Variants in FBXO30 observed in about 807,000 individuals in gnomAD.
The protein encoded by FBXO30 is F-box protein 30.
Under a neutral mutation model 58.1 loss-of-function variants are expected in FBXO30, and 21 were observed. The ratio of observed to expected loss-of-function variants is 0.36; its 90% CI spans 0.26 to 0.52. The LOEUF is 0.52. FBXO30 is among the 20% of genes least tolerant of loss of function. The pLI is 0.93. For synonymous variants in FBXO30, 309 were observed against 312.4 expected (o/e 0.99, Z 0.11); for missense variants, 744 against 897.3 (o/e 0.83, Z 2.18).
At chr6:145,807,221 A>G (rs1218383750) in intron 1 of FBXO30, among the ~76,000 whole-genome samples, 1 of 152,230 alleles carries the variant, frequency 6.6e-6, no homozygotes, top group East Asian at 1.9e-4. Flanking sequence ...TGTCAAAGAC[A>G]GTAAAAAGTG....
chr6:145,807,306 G>T (rs958593026), intron 1 of FBXO30, among the ~76,000 whole-genome samples: 3 of 152,196 alleles, frequency 2.0e-5, no homozygotes, highest in African/African-American at 7.2e-5. Context: ...AATATGAGTA[G>T]GGATTAGAGA....
At position 145,793,533 on chromosome 6, in the gene FBXO30, C is replaced by G. The variant is rs1335022870; in HGVS notation, c.*6573G>C. The G allele has an allele frequency of 1.3e-5, 2 of 151,980 alleles. No individual in the cohort carries two copies. Among genetic ancestry groups the G allele is most frequent in the South Asian group, 2.1e-4 (1 of 4,836 alleles). 9.4% of individuals were successfully genotyped at this position (151,980 alleles called of 1,614,324 possible). A position where few individuals can be genotyped will look rare whatever the true frequency, so the allele number is the denominator to read the frequency against. ...TCAGTACAATTTATTTAGTCTTACTCTAATACAACAAGTTGCATTTGTTCT... is the reference window on the plus strand; with the variant it reads ...TCAGTACAATTTATTTAGTCTTACTGTAATACAACAAGTTGCATTTGTTCT... On this transcript the variant is annotated 3_prime_UTR_variant, in exon 3 of 3. Transcript: ENST00000237281.
chr6:145,811,420 C>G (rs1313266782), intron 1 of FBXO30, among the ~76,000 whole-genome samples: 1 of 152,000 alleles, frequency 6.6e-6, no homozygotes, highest in African/African-American at 2.4e-5. Context: ...AATCATCTAT[C>G]AAAAAAAGCA....
At chr6:145,808,204 C>A in intron 1 of FBXO30, among the ~76,000 whole-genome samples, 1 of 149,548 alleles carries the variant, frequency 6.7e-6, no homozygotes, top group East Asian at 2.0e-4. Flanking sequence ...TTTTCTTATC[C>A]AGTCAAACTT....
At chr6:145,811,227 A>G (rs1280495444) in intron 1 of FBXO30, among the ~76,000 whole-genome samples, 2 of 152,250 alleles carry the variant, frequency 1.3e-5, no homozygotes, top group African/African-American at 4.8e-5. Flanking sequence ...AATGAAATGG[A>G]CAAATGAGAT....
chr6:145,796,364 T>G lies in FBXO30; in HGVS notation c.*3742A>C, dbSNP rs1280371873. ...AATCCTGTCAAACCCCATTATTAAATTATCTTAAACACCATCAAACAAGTC... is the reference window on the plus strand; with the variant it reads ...AATCCTGTCAAACCCCATTATTAAAGTATCTTAAACACCATCAAACAAGTC... On this transcript the variant is annotated 3_prime_UTR_variant, in exon 3 of 3. Coordinates refer to ENST00000237281, the MANE Select transcript of FBXO30 (RefSeq NM_032145.5). 2 of 151,968 alleles carry G rather than the reference T, an allele frequency of 1.3e-5. No homozygotes were observed. Among genetic ancestry groups the G allele is most frequent in the African/African-American group, 2.4e-5 (1 of 41,418 alleles). The allele number at this position is 151,968 out of a possible 1,614,324, so 9.4% of individuals were successfully genotyped here. A position where few individuals can be genotyped will look rare whatever the true frequency, so the allele number is the denominator to read the frequency against.
At position 145,800,061 on chromosome 6, in the gene FBXO30, A is replaced by AT. The variant is rs1777948123; in HGVS notation, c.*44dup. The AT allele has an allele frequency of 1.4e-6, 2 of 1,415,320 alleles. No individual in the cohort carries two copies. The highest frequency in any genetic ancestry group is 2.4e-5 in the South Asian group (2 of 83,244). 87.7% of individuals were successfully genotyped at this position (1,415,320 alleles called of 1,614,324 possible). On this transcript the variant is annotated 3_prime_UTR_variant, in exon 3 of 3. Coordinates refer to ENST00000237281, the MANE Select transcript of FBXO30 (RefSeq NM_032145.5). ...ATAAAGTTTCACATATTACAAAGAA[A>AT]TTATACTAGGTGCTTGCATATATGT...
Position 145,799,723 on chromosome 6 carries a change from A to G in FBXO30, c.*383T>C, listed in dbSNP as rs1446609133. 6.4e-6 allele frequency: 1 copy of G among 156,418 alleles called. No individual in the cohort carries two copies. The highest frequency in any genetic ancestry group is 2.4e-5 in the African/African-American group (1 of 41,504). 9.7% of individuals were successfully genotyped at this position (156,418 alleles called of 1,614,324 possible). Reference sequence around the variant, plus strand: ...AAAAACCTATGCTGTAAAAAATCTCAATCAAAATTTTGCTTTTTGATTGCA... The same window carrying G: ...AAAAACCTATGCTGTAAAAAATCTCGATCAAAATTTTGCTTTTTGATTGCA... On this transcript the variant is annotated 3_prime_UTR_variant, in exon 3 of 3. Transcript: ENST00000237281.
In FBXO30 at chr6:145,805,526, T is replaced by C; in HGVS notation, c.880A>G (p.Thr294Ala). The C allele has an allele frequency of 6.2e-7, 1 of 1,606,670 alleles. No homozygotes were observed. ...CNGFPLENIC[T>A]QVIDQNQNLH... ...TTCTGATTCTGGTCTATGACCTGGG[T>C]ACATATATTTTCCAAAGGAAAGCCA... The change falls in exon 2 of 3, where the codon ACC becomes GCC. Residue 294 changes from threonine (T) to alanine (A), a missense_variant. Physicochemically the swap from Thr to Ala is moderately conservative, Grantham distance 58. Coordinates refer to ENST00000237281, the MANE Select transcript of FBXO30 (RefSeq NM_032145.5).
intron 1 of FBXO30, 69 bp from the exon 2 acceptor site, chr6:145,806,490 A>T: frequency 8.7e-7 from 1 of 1,147,922 alleles, no homozygotes; most frequent in Non-Finnish European, 1.2e-6. Flanking sequence ...ATTGTTTAAT[A>T]ATTAAATCAC....
intron 2 of FBXO30, among the ~76,000 whole-genome samples, chr6:145,801,429 T>G (rs990053910): frequency 4.6e-5 from 7 of 151,716 alleles, no homozygotes; most frequent in African/African-American, 1.7e-4. Flanking sequence ...GTGTGTGTGT[T>G]TTTTAGCTCA....
rs1224456352 is a variant in FBXO30 at position 145,804,572 on chromosome 6, G to C, written c.1834C>G (p.His612Asp). The stretch of plus-strand genomic sequence containing the variant: ...ACCTCAAAAGGAAGACTACTTAGAT[G>C]GTCATTATGTAATCCCAACACACAG... ...RNCVLGLHND[H>D]LSSLPFEVLQ... Residue 612 changes from histidine to aspartate, a missense_variant, in exon 2 of 3, where the codon CAT becomes GAT. His to Asp is a moderately conservative substitution (Grantham distance 81). This residue lies in a region of FBXO30 where 334 missense variants were observed against 433.7 expected (regional missense o/e 0.77). Transcript: ENST00000237281. 6.2e-7 allele frequency: 1 copy of C among 1,613,654 alleles called. No individual in the cohort carries two copies. Among genetic ancestry groups the C allele is most frequent in the Non-Finnish European group, 8.5e-7 (1 of 1,179,820 alleles).
intron 2 of FBXO30, among the ~76,000 whole-genome samples, chr6:145,802,150 T>G (rs1778019367): frequency 1.3e-5 from 2 of 152,082 alleles, no homozygotes; most frequent in South Asian, 4.1e-4. Flanking sequence ...AACAGTTCAG[T>G]GAGTGCTTTA....
intron 1 of FBXO30, among the ~76,000 whole-genome samples, chr6:145,807,428 A>T (rs1778207221): frequency 6.6e-6 from 1 of 152,222 alleles, no homozygotes; most frequent in Admixed American, 6.5e-5. Context: ...GAAAAGCATG[A>T]ATTAGCAAAA....
chr6:145,805,486 G>A lies in FBXO30; in HGVS notation c.920C>T (p.Ser307Leu), dbSNP rs1778138685. Residue 307 changes from serine (S) to leucine (L), a missense_variant, in exon 2 of 3, where the codon TCA becomes TTA. Physicochemically the swap from Ser to Leu is moderately radical, Grantham distance 145. Around this residue, in one of 3 missense-constraint regions of FBXO30, gnomAD observed 275 missense variants for 262.0 expected, o/e 1.05. Transcript: ENST00000237281. The stretch of plus-strand genomic sequence containing the variant: ...TCCATTTGTTAAGTTACTTTGTTTT[G>A]AATCACCATGTAAATTCTGATTCTG... ...IDQNQNLHGD[S>L]KQSNLTNGDC... 1.2e-6 allele frequency: 2 copies of A among 1,606,386 alleles called. No homozygotes were observed. The highest frequency in any genetic ancestry group is 2.2e-5 in the East Asian group (1 of 44,790).
At chr6:145,803,426 T>C (rs77752976) in intron 2 of FBXO30, among the ~76,000 whole-genome samples, 2,189 of 152,216 alleles carry the variant, frequency 0.014, 24 homozygotes, top group South Asian at 0.027. Context: ...GAAAAATCAG[T>C]GCAATGAATG....
chr6:145,799,236 AAT>A lies in FBXO30; in HGVS notation c.*868_*869del, dbSNP rs1366420908. 2 of 152,514 alleles carry A rather than the reference AAT, an allele frequency of 1.3e-5. No individual in the cohort carries two copies. The highest frequency in any genetic ancestry group is 2.9e-5 in the Non-Finnish European group (2 of 67,968). 9.4% of individuals were successfully genotyped at this position (152,514 alleles called of 1,614,324 possible). The stretch of plus-strand genomic sequence containing the variant: ...TTATAAACATCAAAGGCAAACATTT[AAT>A]AGTCAAGCCCTTTGCATTCTGAATA... On this transcript the variant is annotated 3_prime_UTR_variant, in exon 3 of 3. Coordinates refer to ENST00000237281, the MANE Select transcript of FBXO30 (RefSeq NM_032145.5).
chr6:145,796,687 C>A lies in FBXO30; in HGVS notation c.*3419G>T, dbSNP rs1777872879. Reference sequence around the variant, plus strand: ...CTTAGGAAATTTTAAAATTAATAAACCCCATGTCTTTTCAGGTTGGGATGC... The same window carrying A: ...CTTAGGAAATTTTAAAATTAATAAAACCCATGTCTTTTCAGGTTGGGATGC... On this transcript the variant is annotated 3_prime_UTR_variant, in exon 3 of 3. Transcript: ENST00000237281. 1 of 151,914 alleles carries A rather than the reference C, an allele frequency of 6.6e-6. No individual in the cohort carries two copies. 9.4% of individuals were successfully genotyped at this position (151,914 alleles called of 1,614,324 possible).
At position 145,794,697 on chromosome 6, in the gene FBXO30, T is replaced by C. The variant is rs1777835426; in HGVS notation, c.*5409A>G. ...AGTGCCCATTATTTCCATGGTTTGA[T>C]TTATTTCAATCAAATAACACGGTTA... is the stretch of plus-strand genomic sequence containing the variant. On this transcript the variant is annotated 3_prime_UTR_variant, in exon 3 of 3. Coordinates refer to ENST00000237281, the MANE Select transcript of FBXO30 (RefSeq NM_032145.5). The C allele has an allele frequency of 6.6e-6, 1 of 151,948 alleles. No homozygotes were observed. Among genetic ancestry groups the C allele is most frequent in the South Asian group, 2.1e-4 (1 of 4,836 alleles). The allele number at this position is 151,948 out of a possible 1,614,324, so 9.4% of individuals were successfully genotyped here.
Sources: gnomAD v4.1 joint callset for allele counts (sites outside exome capture counted in the v4.1 genomes callset) on GRCh38, gnomAD v4.1.1 for gene constraint, gnomAD v4.1.1 regional missense constraint, MANE v1.5 for transcripts, NCBI Gene and HGNC (gene_info 2026-07-23, HGNC 2026-07-21) for gene names.